PRPSAP2: variants seen among roughly 807,000 people sequenced by gnomAD.
The protein encoded by PRPSAP2 is phosphoribosyl pyrophosphate synthase-associated protein 2.
Under a neutral mutation model 40.6 loss-of-function variants are expected in PRPSAP2, and 24 were observed. The observed-to-expected ratio is 0.59, with a 90% confidence interval of 0.43 to 0.83. The LOEUF (loss-of-function observed/expected upper bound fraction) is 0.83, where lower values mean the gene tolerates loss of function less well. Ranked by LOEUF, PRPSAP2 falls within the 40% of genes least tolerant of loss-of-function variation. The probability of loss-of-function intolerance (pLI) is 0.00; values close to 1 mark genes in which losing one functional copy is unlikely to be tolerated. For synonymous variants in PRPSAP2, 149 were observed against 164.7 expected (o/e 0.90, Z 0.73); for missense variants, 292 against 465.6 (o/e 0.63, Z 3.43).
At chr17:18,924,629 C>G (rs998056345) in intron 10 of PRPSAP2, among the ~76,000 whole-genome samples, 1 of 151,756 alleles carries the variant, frequency 6.6e-6, no homozygotes, top group Non-Finnish European at 1.5e-5. Flanking sequence ...ATTAGCTGAA[C>G]TTGGTGGCAC....
At chr17:18,908,412 T>A (rs1460064090) in intron 8 of PRPSAP2, 10 of 760,456 alleles carry the variant, frequency 1.3e-5, no homozygotes, top group East Asian at 7.4e-5. Context: ...GAAGAACTTT[T>A]AAAAATGCAG....
chr17:18,872,290 A>T (rs1304600942), intron 4 of PRPSAP2, among the ~76,000 whole-genome samples: 1 of 151,324 alleles, frequency 6.6e-6, no homozygotes, highest in Non-Finnish European at 1.5e-5. Flanking sequence ...AAAAAAAAAA[A>T]GTTACCATGC....
chr17:18,867,195 T>C (rs1305936341), intron 3 of PRPSAP2, 87 bp from the exon 4 acceptor site: 7 of 1,276,582 alleles, frequency 5.5e-6, no homozygotes, highest in Middle Eastern at 1.9e-4. Flanking sequence ...TATTTTACTC[T>C]TATCGATTTA....
At chr17:18,870,229 C>T (rs572960199) in intron 4 of PRPSAP2, among the ~76,000 whole-genome samples, 15 of 152,124 alleles carry the variant, frequency 9.9e-5, no homozygotes, top group South Asian at 8.3e-4. Flanking sequence ...ATGTATGTGG[C>T]GAACCATTTG....
rs1236771165 is a variant in PRPSAP2, at chr17:18,908,893, C to T, written c.585-2210C>T. On this transcript the variant is annotated intron_variant, in intron 8 of 11. Coordinates refer to ENST00000268835, the MANE Select transcript of PRPSAP2 (RefSeq NM_002767.4). ...CATCTTATTTTATTTCCTTTTCCTC[C>T]CTTTCCTTTCCTTTTCAAATTTTAC... 1.7e-5 allele frequency: 8 copies of T among 471,320 alleles called. No homozygotes were observed. In the Admixed American group the frequency reaches 2.8e-4, roughly 17 times the overall value. The allele number at this position is 471,320 out of a possible 1,614,324, so 29.2% of individuals were successfully genotyped here.
intron 10 of PRPSAP2, among the ~76,000 whole-genome samples, chr17:18,925,209 G>T (rs1567755209): frequency 6.6e-6 from 1 of 152,066 alleles, no homozygotes. Flanking sequence ...TGCACAAAAA[G>T]AGTGCACTTC....
rs750427894 is a variant in PRPSAP2, at chr17:18,911,154, A to T, written c.636A>T (p.Gly212=). ...GCCTGGGAATTGCAGTGATTCATGGAGAGGCGCAGGATGCCGAGTCGGACT... is the reference window on the plus strand; with the variant it reads ...GCCTGGGAATTGCAGTGATTCATGGTGAGGCGCAGGATGCCGAGTCGGACT... ...RLRLGIAVIH[G]EAQDAESDLV... is the part of the protein sequence containing the mutation. Residue 212 remains glycine, a synonymous_variant, in exon 9 of 12, where the codon GGA becomes GGT. Transcript: ENST00000268835. The surrounding 1 kb of genome is among the most constrained non-coding windows in gnomAD (Gnocchi z 4.5). 1 of 1,613,722 alleles carries T rather than the reference A, an allele frequency of 6.2e-7. No homozygotes were observed. Among genetic ancestry groups the T allele is most frequent in the African/African-American group, 1.3e-5 (1 of 74,906 alleles).
chr17:18,910,389 A>G (rs1197979621), intron 8 of PRPSAP2, among the ~76,000 whole-genome samples: 1 of 152,114 alleles, frequency 6.6e-6, no homozygotes, highest in East Asian at 1.9e-4. Flanking sequence ...CTGCCACCAC[A>G]CTTCAGTCTG....
At chr17:18,871,287 T>C (rs1199802050) in intron 4 of PRPSAP2, among the ~76,000 whole-genome samples, 1 of 152,182 alleles carries the variant, frequency 6.6e-6, no homozygotes, top group African/African-American at 2.4e-5. Context: ...CCCAAAGTTC[T>C]GGTATTACAT....
intron 8 of PRPSAP2, among the ~76,000 whole-genome samples, chr17:18,892,118 G>A (rs574704856): frequency 6.6e-6 from 1 of 152,302 alleles, no homozygotes; most frequent in African/African-American, 2.4e-5. Context: ...GCCTCCCAAA[G>A]TGCTGGGATT....
chr17:18,890,697 C>A (rs1297247927), intron 8 of PRPSAP2, among the ~76,000 whole-genome samples: 6 of 152,194 alleles, frequency 3.9e-5, no homozygotes, highest in Non-Finnish European at 5.9e-5. Context: ...AATCACATGT[C>A]AGTCTTTGAG....
rs562361627 is a variant in PRPSAP2, at chr17:18,898,249, G to A, written c.584+8372G>A. Among the ~76,000 whole-genome samples the A allele has an allele frequency of 3.8e-4, 57 of 151,598 alleles. No individual in the cohort carries two copies. The East Asian group carries it at 9.3e-3, about 25-fold the overall frequency. ...CTTGACCTCGCAATCTGCCCACCGCGGCCTCCCAAAGTGCTGGGATTACAG... is the reference window on the plus strand; with the variant it reads ...CTTGACCTCGCAATCTGCCCACCGCAGCCTCCCAAAGTGCTGGGATTACAG... On this transcript the variant is annotated intron_variant, in intron 8 of 11. Transcript: ENST00000268835.
intron 9 of PRPSAP2, among the ~76,000 whole-genome samples, chr17:18,912,019 CTAAA>C (rs1445929492): frequency 6.6e-6 from 1 of 152,272 alleles, no homozygotes; most frequent in Non-Finnish European, 1.5e-5. Flanking sequence ...CCCCTCTCTA[CTAAA>C]AATACAAAAT....
At chr17:18,859,992 C>T (rs2036882322) in intron 1 of PRPSAP2, among the ~76,000 whole-genome samples, 1 of 152,122 alleles carries the variant, frequency 6.6e-6, no homozygotes, top group South Asian at 2.1e-4. Flanking sequence ...GATCTGCCTG[C>T]CTTGGCCTCC....
At chr17:18,926,777 AGTGTGT>A (rs71155377) in intron 10 of PRPSAP2, among the ~76,000 whole-genome samples, 58 of 148,218 alleles carry the variant, frequency 3.9e-4, no homozygotes, top group Admixed American at 2.0e-3. Context: ...AGTGAGTGTG[AGTGTGT>A]GTGTGTGTGT....
chr17:18,857,592 T>TTA (rs1424433130), upstream of PRPSAP2, among the ~76,000 whole-genome samples: 9 of 149,610 alleles, frequency 6.0e-5, no homozygotes, highest in African/African-American at 1.7e-4. Flanking sequence ...TTTTTTTTTT[T>TTA]GTATTTTTAG....
intron 7 of PRPSAP2, among the ~76,000 whole-genome samples, chr17:18,884,828 G>A (rs1193017803): frequency 6.6e-6 from 1 of 152,228 alleles, no homozygotes; most frequent in Non-Finnish European, 1.5e-5. Context: ...AGTCGCTATA[G>A]ACTTATGTGG....
chr17:18,927,325 G>T (rs1295130284), intron 10 of PRPSAP2, among the ~76,000 whole-genome samples: 1 of 152,196 alleles, frequency 6.6e-6, no homozygotes, highest in Non-Finnish European at 1.5e-5. Flanking sequence ...AAACATTCAA[G>T]CCACAGCACT....
intron 8 of PRPSAP2, among the ~76,000 whole-genome samples, chr17:18,900,052 A>G (rs1306452518): frequency 6.6e-6 from 1 of 151,628 alleles, no homozygotes; most frequent in Non-Finnish European, 1.5e-5. Flanking sequence ...ACGCCCGGCT[A>G]ATTTTTGTAT....
Sources: gnomAD v4.1 joint callset for allele counts (sites outside exome capture counted in the v4.1 genomes callset) on GRCh38, gnomAD v4.1.1 for gene constraint, Gnocchi (gnomAD v3.1) non-coding constraint, MANE v1.5 for transcripts, NCBI Gene and HGNC (gene_info 2026-07-23, HGNC 2026-07-21) for gene names.